Variants in HIVEP1 observed in about 807,000 individuals in gnomAD.
HIVEP1 encodes zinc finger protein 40.
A neutral mutation model predicts 180.0 loss-of-function variants in HIVEP1; 36 were observed. The ratio of observed to expected loss-of-function variants is 0.20; its 90% CI spans 0.15 to 0.26. The LOEUF is 0.26. Among genes scored for constraint, HIVEP1 ranks in the 10% least tolerant of loss-of-function variants. The pLI is 1.00. For synonymous variants in HIVEP1, 1,239 were observed against 1,239.0 expected (o/e 1.00, Z 0.00); for missense variants, 3,143 against 3,268.7 (o/e 0.96, Z 0.94).
At chr6:12,138,853 T>C (rs1176331164) in intron 7 of HIVEP1, among the ~76,000 whole-genome samples, 1 of 151,784 alleles carries the variant, frequency 6.6e-6, no homozygotes, top group African/African-American at 2.4e-5. Flanking sequence ...CATCCTTCCA[T>C]CTGCTTGGCC....
At chr6:12,199,231 GA>G in the HIVEP1 span, among the ~76,000 whole-genome samples, 77 of 152,230 alleles carry the variant, frequency 5.1e-4, no homozygotes, top group African/African-American at 1.8e-3. Context: ...AATGGCATTG[GA>G]ACCTACCAGA....
chr6:12,054,362 T>C (rs1390757189), intron 2 of HIVEP1, among the ~76,000 whole-genome samples: 2 of 152,244 alleles, frequency 1.3e-5, no homozygotes, highest in African/African-American at 4.8e-5. Context: ...CTCATAACTG[T>C]ACCATCCAGA....
intron 2 of HIVEP1, among the ~76,000 whole-genome samples, chr6:12,046,771 C>T (rs1475265801): frequency 6.9e-6 from 1 of 145,326 alleles, no homozygotes; most frequent in Non-Finnish European, 1.5e-5. Context: ...GAGCGAGACT[C>T]TGTCTCAAAA....
At chr6:12,137,623 TA>T (rs1938301471) in intron 7 of HIVEP1, among the ~76,000 whole-genome samples, 1 of 151,832 alleles carries the variant, frequency 6.6e-6, no homozygotes, top group African/African-American at 2.4e-5. Flanking sequence ...TTTTTTTTTT[TA>T]CAGTGTTTGT....
intron 7 of HIVEP1, among the ~76,000 whole-genome samples, chr6:12,159,524 G>A (rs2113680294): frequency 6.6e-6 from 1 of 152,246 alleles, no homozygotes; most frequent in African/African-American, 2.4e-5. Context: ...CTTCTCCTCA[G>A]CCAGGGCGGA....
In HIVEP1 at chr6:12,123,097, A is replaced by G. The variant is rs1477233724; in HGVS notation, c.3302A>G (p.Glu1101Gly). 3 of 1,614,202 alleles carry G rather than the reference A, an allele frequency of 1.9e-6. No homozygotes were observed. Among genetic ancestry groups the G allele is most frequent in the Non-Finnish European group, 2.5e-6 (3 of 1,180,034 alleles). The change falls in exon 4 of 9, where the codon GAG (glutamate) becomes GGG (glycine). Residue 1101 changes from glutamate to glycine, a missense_variant. Glu to Gly is a moderately conservative substitution (Grantham distance 98, BLOSUM62 -2). Coordinates refer to ENST00000379388, the MANE Select transcript of HIVEP1 (RefSeq NM_002114.4). ...ATTCACCTTGTTGCCAGGGGCCCTG[A>G]GCAGACCATGGATCCCAAGCTGTCG... ...SHIHLVARGP[E>G]QTMDPKLSTI...
the HIVEP1 span, among the ~76,000 whole-genome samples, chr6:12,177,843 T>G: frequency 6.6e-6 from 1 of 152,216 alleles, no homozygotes; most frequent in Admixed American, 6.5e-5. Context: ...CTTCAGAGAA[T>G]CAGATACTAA....
In HIVEP1 at chr6:12,123,923, G is replaced by C. The variant is rs187412606; in HGVS notation, c.4128G>C (p.Thr1376=). 1.2e-6 allele frequency: 2 copies of C among 1,614,140 alleles called. No individual in the cohort carries two copies. Among genetic ancestry groups the C allele is most frequent in the Admixed American group, 3.3e-5 (2 of 60,030 alleles). ...CAGAACAGATTAATTGCACGCAAACGTCAATGGAGGTCTCTGATCTCAGAA... is the reference window on the plus strand; with the variant it reads ...CAGAACAGATTAATTGCACGCAAACCTCAATGGAGGTCTCTGATCTCAGAA... ...TASEQINCTQ[T]SMEVSDLRSK... Residue 1376 remains threonine (T), a synonymous_variant, in exon 4 of 9, where the codon ACG becomes ACC. Transcript: ENST00000379388.
chr6:12,044,682 G>T (rs936301531), intron 2 of HIVEP1, among the ~76,000 whole-genome samples: 1 of 148,812 alleles, frequency 6.7e-6, no homozygotes, highest in Non-Finnish European at 1.5e-5. Flanking sequence ...CAGTGCACCT[G>T]TGTGCAGCTG....
In HIVEP1 at chr6:12,049,467, C is replaced by T. The variant is rs1048788783; in HGVS notation, c.40+33799C>T. Among the ~76,000 whole-genome samples the T allele has an allele frequency of 1.4e-4, 22 of 152,128 alleles. No individual in the cohort carries two copies. The South Asian group carries it at 2.1e-3, about 14-fold the overall frequency. On this transcript the variant is annotated intron_variant, in intron 2 of 8. Transcript: ENST00000379388. Reference sequence around the variant, plus strand: ...TCGGCAGAGTGTGTGAGACCTTGCGCGAGGAGGTGACCATCATGCCAGTTG... The same window carrying T: ...TCGGCAGAGTGTGTGAGACCTTGCGTGAGGAGGTGACCATCATGCCAGTTG...
At chr6:12,169,322 A>G (rs1760838653), downstream of HIVEP1, among the ~76,000 whole-genome samples, 1 of 152,222 alleles carries the variant, frequency 6.6e-6, no homozygotes, top group Non-Finnish European at 1.5e-5. Context: ...TAGTCTTTGC[A>G]CACACAGGTT....
At position 12,120,611 on chromosome 6, in the gene HIVEP1, T is replaced by A. The variant is rs201267308; in HGVS notation, c.816T>A (p.Asn272Lys). The A allele has an allele frequency of 1.0e-3, 1,609 of 1,614,184 alleles. 10 individuals are homozygous for A. The highest frequency in any genetic ancestry group is 2.3e-3 in the Middle Eastern group (14 of 6,062). The part of the protein sequence containing the change: ...YTVHMSAAQK[N>K]EQGAMQSASH... Reference sequence around the variant, plus strand: ...TCCATATGTCTGCTGCTCAGAAGAATGAGCAAGGGGCAATGCAGTCAGCTT... The same window carrying A: ...TCCATATGTCTGCTGCTCAGAAGAAAGAGCAAGGGGCAATGCAGTCAGCTT... Residue 272 changes from asparagine to lysine, a missense_variant, in exon 4 of 9, where the codon AAT (asparagine) becomes AAA (lysine). By Grantham distance (94) the Asn-to-Lys change is moderately conservative. Transcript: ENST00000379388.
At chr6:12,011,517 G>C (rs1315021232), upstream of HIVEP1, among the ~76,000 whole-genome samples, 1 of 150,108 alleles carries the variant, frequency 6.7e-6, no homozygotes, top group East Asian at 2.0e-4. Context: ...CCGTGTGCTG[G>C]TTCCCCAGGC....
intron 7 of HIVEP1, among the ~76,000 whole-genome samples, chr6:12,150,352 G>A (rs1312940386): frequency 6.6e-6 from 1 of 152,220 alleles, no homozygotes; most frequent in Non-Finnish European, 1.5e-5. Context: ...TGCACGGAAT[G>A]TTAATGTGTA....
chr6:12,051,605 T>A (rs1348812713), intron 2 of HIVEP1, among the ~76,000 whole-genome samples: 1 of 151,912 alleles, frequency 6.6e-6, no homozygotes, highest in Non-Finnish European at 1.5e-5. Context: ...ATATAATATA[T>A]AGATAAAATA....
intron 2 of HIVEP1, among the ~76,000 whole-genome samples, chr6:12,046,202 TACAA>T (rs1770104388): frequency 6.6e-6 from 1 of 152,266 alleles, no homozygotes. Context: ...TTTATGTGTT[TACAA>T]ACACTTTGAT....
chr6:12,009,120 T>TGGCGGCGGCGGCGGC (rs950139776), upstream of HIVEP1, among the ~76,000 whole-genome samples: 2 of 146,058 alleles, frequency 1.4e-5, no homozygotes, highest in East Asian at 4.1e-4. Context: ...CGCGTGGCGG[T>TGGCGGCGGCGGCGGC]GGCGGCGGCG....
In HIVEP1 at chr6:12,130,845, T is replaced by C; in HGVS notation, c.6288T>C (p.Arg2096=). 6.2e-7 allele frequency: 1 copy of C among 1,612,386 alleles called. No homozygotes were observed. Among genetic ancestry groups the C allele is most frequent in the South Asian group, 1.1e-5 (1 of 91,040 alleles). Residue 2096 remains arginine, a synonymous_variant, in exon 6 of 9, where the codon CGT becomes CGC. Transcript: ENST00000379388. ...ACATTTGTGAAGAATGTGGAATACGTTGTAAGAAACCTAGCATGTTAAAGA... is the reference window on the plus strand; with the variant it reads ...ACATTTGTGAAGAATGTGGAATACGCTGTAAGAAACCTAGCATGTTAAAGA... ...GKYICEECGI[R]CKKPSMLKKH...
intron 2 of HIVEP1, chr6:12,038,743 C>A (rs1570987): frequency 0.43 from 64,848 of 152,292 alleles, 15,520 homozygotes; most frequent in Non-Finnish European, 0.54. Flanking sequence ...ACCACCACCA[C>A]CAACAACAAC....
Sources: allele counts gnomAD v4.1 joint callset (sites outside exome capture counted in the v4.1 genomes callset), GRCh38; gene constraint gnomAD v4.1.1; transcripts MANE v1.5; gene names NCBI Gene and HGNC (gene_info 2026-07-23, HGNC 2026-07-21).